Variants in GDA observed in about 807,000 individuals in gnomAD.
GDA encodes guanine deaminase, also known as cytoplasmic PSD-95 interactor.
In GDA, 18 loss-of-function variants were observed where a neutral mutation model predicts 59.6. That is an observed-to-expected ratio of 0.30 (90% confidence interval 0.21 to 0.45). GDA has a LOEUF of 0.45. Ranked by LOEUF, GDA falls within the 20% of genes least tolerant of loss-of-function variation. GDA has a pLI of 1.00. For missense variants in GDA, 427 were observed against 552.3 expected (o/e 0.77, Z 2.27); for synonymous variants, 201 against 201.1 (o/e 1.00, Z 0.00).
intron 1 of GDA, among the ~76,000 whole-genome samples, chr9:72,137,242 CTTTT>C (rs143364725): frequency 1.2e-5 from 1 of 84,506 alleles, no homozygotes; most frequent in Non-Finnish European, 2.1e-5. Context: ...TTCTTTTTTT[CTTTT>C]TTTTTTTTTT....
chr9:72,182,731 G>A (rs964554962), intron 1 of GDA, among the ~76,000 whole-genome samples: 3 of 152,076 alleles, frequency 2.0e-5, no homozygotes, highest in Non-Finnish European at 4.4e-5. Context: ...TTTTTATGAT[G>A]ATGGATGCCA....
rs1285948969 is a variant in GDA at position 72,251,776 on chromosome 9, G to A, written c.*3434G>A. On this transcript the variant is annotated 3_prime_UTR_variant, in exon 14 of 14. Coordinates refer to ENST00000358399, the MANE Select transcript of GDA (RefSeq NM_004293.5). ...TCCTAACATTGGTCTCCGTGCATGT[G>A]TTCACACCTGGTCTCACTGCCTTTC... 1 of 152,090 alleles carries A rather than the reference G, an allele frequency of 6.6e-6. No homozygotes were observed. The highest frequency in any genetic ancestry group is 1.5e-5 in the Non-Finnish European group (1 of 68,020). 9.4% of individuals were successfully genotyped at this position (152,090 alleles called of 1,614,324 possible).
chr9:72,206,284 A>G (rs1834689942), intron 3 of GDA, among the ~76,000 whole-genome samples: 1 of 152,164 alleles, frequency 6.6e-6, no homozygotes, highest in African/African-American at 2.4e-5. Flanking sequence ...ATATGGTAAG[A>G]CAAGAACATT....
chr9:72,251,019 A>G lies in GDA; in HGVS notation c.*2677A>G, dbSNP rs1840624554. On this transcript the variant is annotated 3_prime_UTR_variant, in exon 14 of 14. Coordinates refer to ENST00000358399, the MANE Select transcript of GDA (RefSeq NM_004293.5). ...AAACAGACCAAGGAGACTGTTCCCTAATTTATTCTCTTGGCTGGTTCTCTC... is the reference window on the plus strand; with the variant it reads ...AAACAGACCAAGGAGACTGTTCCCTGATTTATTCTCTTGGCTGGTTCTCTC... The G allele has an allele frequency of 3.6e-6, 2 of 563,008 alleles. No homozygotes were observed. The highest frequency in any genetic ancestry group is 3.2e-5 in the Admixed American group (1 of 31,620). 34.9% of individuals were successfully genotyped at this position (563,008 alleles called of 1,614,324 possible).
intron 1 of GDA, among the ~76,000 whole-genome samples, chr9:72,135,083 A>AT (rs1381778829): frequency 6.6e-6 from 1 of 152,020 alleles, no homozygotes; most frequent in African/African-American, 2.4e-5. Context: ...TACTCCACTC[A>AT]TTTTTTTCTC....
intron 10 of GDA, among the ~76,000 whole-genome samples, chr9:72,240,337 A>G (rs17057543): frequency 0.012 from 1,814 of 152,310 alleles, 44 homozygotes; most frequent in African/African-American, 0.042. Context: ...GTTAGGATAA[A>G]TTTTTAGTGA....
intron 3 of GDA, 86 bp downstream of exon 3, chr9:72,202,828 A>G (rs1834174269): frequency 2.8e-6 from 3 of 1,088,664 alleles, no homozygotes; most frequent in African/African-American, 3.1e-5. Flanking sequence ...ATTATAAAGC[A>G]TAAGCAGTTA....
chr9:72,244,081 G>A (rs1296318065), intron 11 of GDA, among the ~76,000 whole-genome samples: 1 of 151,838 alleles, frequency 6.6e-6, no homozygotes, highest in Non-Finnish European at 1.5e-5. Flanking sequence ...GGAGGCTGAG[G>A]CAGGAGAATG....
intron 1 of GDA, among the ~76,000 whole-genome samples, chr9:72,150,954 G>A (rs990642843): frequency 4.6e-5 from 7 of 151,594 alleles, no homozygotes; most frequent in Admixed American, 2.0e-4. Flanking sequence ...AGGAAGCAAA[G>A]GAACGGAGAT....
At chr9:72,133,017 G>A (rs1031005485) in intron 1 of GDA, among the ~76,000 whole-genome samples, 15 of 152,014 alleles carry the variant, frequency 9.9e-5, no homozygotes, top group Admixed American at 5.2e-4. Flanking sequence ...TTGGCCAGGT[G>A]CAGTGGCTCA....
At chr9:72,117,186 A>C (rs184907161) in intron 1 of GDA, among the ~76,000 whole-genome samples, 23 of 152,086 alleles carry the variant, frequency 1.5e-4, no homozygotes, top group Non-Finnish European at 1.6e-4. Context: ...TCACATCATT[A>C]TTTGTTTTAT....
chr9:72,207,378 G>A (rs1352053611), intron 3 of GDA, among the ~76,000 whole-genome samples: 3 of 152,126 alleles, frequency 2.0e-5, no homozygotes, highest in Non-Finnish European at 4.4e-5. Flanking sequence ...AATGGTATGG[G>A]CCAGTTTTGT....
At chr9:72,150,668 C>A (rs1166411758) in intron 1 of GDA, among the ~76,000 whole-genome samples, 1 of 152,140 alleles carries the variant, frequency 6.6e-6, no homozygotes, top group African/African-American at 2.4e-5. Context: ...TGTGATTTGT[C>A]AAGTTGAAGA....
At chr9:72,115,824 A>T (rs1307305452) in intron 1 of GDA, among the ~76,000 whole-genome samples, 1 of 152,240 alleles carries the variant, frequency 6.6e-6, no homozygotes, top group Admixed American at 6.5e-5. Context: ...TCATAACTCA[A>T]CAAGGTTGAG....
At chr9:72,222,301 C>A (rs552179428) in intron 6 of GDA, among the ~76,000 whole-genome samples, 20 of 152,266 alleles carry the variant, frequency 1.3e-4, no homozygotes, top group Admixed American at 3.3e-4. Context: ...TTGTATTTCT[C>A]TAATGATCAG....
At chr9:72,164,989 CAAA>C (rs59456635) in intron 1 of GDA, among the ~76,000 whole-genome samples, 1 of 130,790 alleles carries the variant, frequency 7.6e-6, no homozygotes, top group African/African-American at 2.8e-5. Flanking sequence ...GACTCCATCT[CAAA>C]AAAAAAAAAA....
intron 6 of GDA, 127 bp from the exon 7 acceptor site, chr9:72,222,993 C>T: frequency 3.6e-6 from 2 of 550,018 alleles, no homozygotes; most frequent in Non-Finnish European, 6.5e-6. Flanking sequence ...CAGGTGTGAG[C>T]CACCACACCT....
At chr9:72,135,800 G>A (rs985769431) in intron 1 of GDA, among the ~76,000 whole-genome samples, 1 of 151,964 alleles carries the variant, frequency 6.6e-6, no homozygotes, top group Non-Finnish European at 1.5e-5. Context: ...CAGTGGAGAC[G>A]GGGTTTTACC....
At chr9:72,205,286 A>C (rs1834557302) in intron 3 of GDA, among the ~76,000 whole-genome samples, 1 of 152,020 alleles carries the variant, frequency 6.6e-6, no homozygotes, top group South Asian at 2.1e-4. Flanking sequence ...ACTCAGTGGG[A>C]TGAGCTCAGT....
Sources: gnomAD v4.1 joint callset for allele counts (sites outside exome capture counted in the v4.1 genomes callset) on GRCh38, gnomAD v4.1.1 for gene constraint, MANE v1.5 for transcripts, NCBI Gene and HGNC (gene_info 2026-07-23, HGNC 2026-07-21) for gene names.